The following ZNF385D variants were observed in gnomAD, a reference collection of about 807,000 sequenced individuals.
ZNF385D encodes the protein zinc finger protein 659.
ZNF385D carries 15 observed loss-of-function variants against 35.8 expected under a neutral mutation model. The observed-to-expected ratio is 0.42, with a 90% CI of 0.28 to 0.64. The LOEUF (loss-of-function observed/expected upper bound fraction) is 0.64. ZNF385D is among the 30% of genes least tolerant of loss of function. ZNF385D has a pLI of 0.23. For synonymous variants in ZNF385D, 212 were observed against 186.8 expected (o/e 1.13, Z -1.10); for missense variants, 474 against 494.6 (o/e 0.96, Z 0.39).
chr3:21,763,056 G>A (rs1559597886), intron 3 of ZNF385D, among the ~76,000 whole-genome samples: 1 of 152,038 alleles, frequency 6.6e-6, no homozygotes, highest in Non-Finnish European at 1.5e-5. Flanking sequence ...TAAGTCCCAA[G>A]TACCTGTAAA....
At position 22,171,273 on chromosome 3, in the gene ZNF385D, G is replaced by A. The variant is rs11926377; in HGVS notation, c.107-2238C>T. Among the ~76,000 whole-genome samples, 844 of 152,130 alleles carry A rather than the reference G, an allele frequency of 5.5e-3. 14 individuals are homozygous for A. Among genetic ancestry groups the A allele is most frequent in the African/African-American group, 0.019 (792 of 41,500 alleles). ...TTTTGCTAAATGTATGCATATATTT[G>A]GAAGAAAATATTTTCTTATTTGATT... On this transcript the variant is annotated intron_variant, in intron 2 of 5. Transcript: ENST00000494108.
chr3:21,474,411 CA>C (rs1290286337), intron 4 of ZNF385D, among the ~76,000 whole-genome samples: 3 of 152,088 alleles, frequency 2.0e-5, no homozygotes, highest in Admixed American at 1.3e-4. Context: ...GCCCCAGAAA[CA>C]AATGTGTGCT....
chr3:21,848,334 G>A (rs576849414), intron 3 of ZNF385D, among the ~76,000 whole-genome samples: 103 of 152,040 alleles, frequency 6.8e-4, no homozygotes, highest in Non-Finnish European at 1.2e-3. Context: ...CTTTGAGATC[G>A]TGATTTCAAT....
At chr3:21,581,291 T>C (rs541993121) in intron 2 of ZNF385D, among the ~76,000 whole-genome samples, 22 of 152,284 alleles carry the variant, frequency 1.4e-4, no homozygotes, top group Non-Finnish European at 2.8e-4. Flanking sequence ...ATATCAGATG[T>C]ATAATTCCTA....
At position 21,462,966 on chromosome 3, in the gene ZNF385D, G is replaced by C. The variant is rs113760908; in HGVS notation, c.440-25763C>G. ...CACTGCACTCCAGCCTAGGCAACAA[G>C]AGTGAAAACTCTATCTCAAAAACAA... On this transcript the variant is annotated intron_variant, in intron 4 of 7. Transcript: ENST00000281523. Among the ~76,000 whole-genome samples the C allele has an allele frequency of 6.5e-3, 995 of 152,100 alleles. 14 individuals carry two copies. Among genetic ancestry groups the C allele is most frequent in the African/African-American group, 0.023 (951 of 41,490 alleles).
chr3:21,889,519 A>G (rs1047642320), intron 3 of ZNF385D, among the ~76,000 whole-genome samples: 1 of 152,198 alleles, frequency 6.6e-6, no homozygotes, highest in Non-Finnish European at 1.5e-5. Context: ...TGTAATGTCC[A>G]TCTGGCCATT....
At position 22,107,128 on chromosome 3, in the gene ZNF385D, G is replaced by A. The variant is rs560584361; in HGVS notation, c.325+61689C>T. Among the ~76,000 whole-genome samples, 69 of 150,122 alleles carry A rather than the reference G, an allele frequency of 4.6e-4. 1 individual carries two copies. Among genetic ancestry groups the A allele is most frequent in the African/African-American group, 1.5e-3 (61 of 40,860 alleles). ...CAACCTCCACCTCTTGGATTCAAGC[G>A]ATTCTCCTGCCTCAGCCCCGGAGTA... On this transcript the variant is annotated intron_variant, in intron 3 of 5. Transcript: ENST00000494108.
chr3:22,360,713 G>A (rs1575197155), intron 2 of ZNF385D, among the ~76,000 whole-genome samples: 2 of 152,062 alleles, frequency 1.3e-5, no homozygotes, highest in South Asian at 4.1e-4. Context: ...ACTTTGTGTT[G>A]ACATACATTG....
At chr3:22,213,372 A>G (rs1224195036) in intron 2 of ZNF385D, among the ~76,000 whole-genome samples, 1 of 152,104 alleles carries the variant, frequency 6.6e-6, no homozygotes, top group Non-Finnish European at 1.5e-5. Context: ...GACATGGACC[A>G]GATTTGACCA....
intron 2 of ZNF385D, among the ~76,000 whole-genome samples, chr3:22,172,597 T>G (rs552620530): frequency 3.9e-5 from 6 of 152,282 alleles, no homozygotes; most frequent in African/African-American, 1.4e-4. Flanking sequence ...ACCCCTGGCA[T>G]GGGTCTCTGC....
chr3:21,550,859 A>T (rs1052822365), intron 3 of ZNF385D, among the ~76,000 whole-genome samples: 10 of 152,188 alleles, frequency 6.6e-5, no homozygotes, highest in African/African-American at 2.4e-4. Flanking sequence ...TTGGAGGGCT[A>T]TCAGGCCTTC....
intron 1 of ZNF385D, among the ~76,000 whole-genome samples, chr3:21,682,281 T>A (rs545855774): frequency 7.3e-6 from 1 of 136,340 alleles, no homozygotes; most frequent in Admixed American, 7.3e-5. Context: ...TAATAACTTA[T>A]GAAAGATGTA....
intron 4 of ZNF385D, among the ~76,000 whole-genome samples, chr3:21,494,579 T>C (rs1323645840): frequency 1.3e-5 from 2 of 152,160 alleles, no homozygotes; most frequent in South Asian, 2.1e-4. Context: ...AAACTCTAGC[T>C]CCACTTCTTA....
intron 3 of ZNF385D, among the ~76,000 whole-genome samples, chr3:21,879,089 A>T (rs1018157370): frequency 6.6e-6 from 1 of 152,044 alleles, no homozygotes. Flanking sequence ...TTTGTAAAAC[A>T]CATCAAGATA....
chr3:22,292,588 G>C (rs1702355293), intron 2 of ZNF385D, among the ~76,000 whole-genome samples: 1 of 151,978 alleles, frequency 6.6e-6, no homozygotes, highest in Non-Finnish European at 1.5e-5. Context: ...GAAATAATTG[G>C]AATTTCATGT....
chr3:21,765,776 G>A (rs1040720125), intron 3 of ZNF385D, among the ~76,000 whole-genome samples: 1 of 151,648 alleles, frequency 6.6e-6, no homozygotes, highest in African/African-American at 2.4e-5. Flanking sequence ...TGGAGAGAAA[G>A]ACAGAAAGGA....
At chr3:22,207,372 G>A (rs973657825) in intron 2 of ZNF385D, among the ~76,000 whole-genome samples, 4 of 151,924 alleles carry the variant, frequency 2.6e-5, no homozygotes, top group African/African-American at 9.7e-5. Flanking sequence ...ATGGTGCTAT[G>A]AAAAACTGGA....
intron 3 of ZNF385D, among the ~76,000 whole-genome samples, chr3:22,036,362 T>G (rs1177338456): frequency 6.6e-6 from 1 of 152,114 alleles, no homozygotes; most frequent in Non-Finnish European, 1.5e-5. Flanking sequence ...TTTGGCCCAA[T>G]GAGACAAATG....
chr3:22,251,796 G>C (rs1456524246), intron 2 of ZNF385D, among the ~76,000 whole-genome samples: 1 of 152,014 alleles, frequency 6.6e-6, no homozygotes, highest in East Asian at 1.9e-4. Context: ...GTTTGAGCTT[G>C]GGATCTTAGA....
Sources: allele counts gnomAD v4.1 joint callset (sites outside exome capture counted in the v4.1 genomes callset), GRCh38; gene constraint gnomAD v4.1.1; transcripts MANE v1.5; gene names NCBI Gene and HGNC (gene_info 2026-07-23, HGNC 2026-07-21).